The following CEP350 variants were observed in gnomAD, a reference collection of about 807,000 sequenced individuals.
The protein encoded by CEP350 is centrosome-associated protein 350.
CEP350 carries 126 observed loss-of-function variants against 331.8 expected under a neutral mutation model. That is an observed-to-expected ratio of 0.38 (90% CI 0.33 to 0.44). The LOEUF (loss-of-function observed/expected upper bound fraction) is 0.44, where lower values mean the gene tolerates loss of function less well. Among genes scored for constraint, CEP350 ranks in the 20% least tolerant of loss-of-function variants. The pLI is 1.00. For synonymous variants in CEP350, 1,200 were observed against 1,259.5 expected (o/e 0.95, Z 1.00); for missense variants, 3,406 against 3,634.6 (o/e 0.94, Z 1.62).
At chr1:180,067,658 C>CAGG (rs1459249448) in intron 27 of CEP350, among the ~76,000 whole-genome samples, 1 of 152,106 alleles carries the variant, frequency 6.6e-6, no homozygotes, top group Non-Finnish European at 1.5e-5. Context: ...CGCCATACTC[C>CAGG]AGCCTGGGCA....
Position 179,986,177 on chromosome 1 carries a change from G to T in CEP350, c.-5G>T. 1 of 1,550,442 alleles carries T rather than the reference G, an allele frequency of 6.4e-7. No homozygotes were observed. Among genetic ancestry groups the T allele is most frequent in the Non-Finnish European group, 8.7e-7 (1 of 1,146,268 alleles). ...TACTGATGTGATTGCAGGTAAATTGGCAGGATGAGGAGCAGCAAATCAAAA... is the reference window on the plus strand; with the variant it reads ...TACTGATGTGATTGCAGGTAAATTGTCAGGATGAGGAGCAGCAAATCAAAA... On this transcript the variant is annotated 5_prime_UTR_variant, in exon 2 of 38. Coordinates refer to ENST00000367607, the MANE Select transcript of CEP350 (RefSeq NM_014810.5).
In CEP350 at chr1:180,020,363, G is replaced by T; in HGVS notation, c.2589G>T (p.Val863=). The part of the protein sequence containing the change: ...YGSAWNTEYD[V]QQAPQEDGPW... ...CAGCATGGAACACTGAGTATGATGT[G>T]CAGCAGGCACCTCAAGAAGATGGAC... Residue 863 remains valine (V), a synonymous_variant, in exon 12 of 38, where the codon GTG becomes GTT. Transcript: ENST00000367607. The T allele has an allele frequency of 6.2e-7, 1 of 1,613,762 alleles. No homozygotes were observed. The highest frequency in any genetic ancestry group is 8.5e-7 in the Non-Finnish European group (1 of 1,179,902).
intron 2 of CEP350, among the ~76,000 whole-genome samples, chr1:179,986,761 A>G (rs557663180): frequency 6.6e-6 from 1 of 152,318 alleles, no homozygotes; most frequent in East Asian, 1.9e-4. Context: ...GAGAAGGATG[A>G]CTTATGGAAA....
At chr1:180,045,199 A>G (rs1195447482) in intron 21 of CEP350, among the ~76,000 whole-genome samples, 1 of 152,108 alleles carries the variant, frequency 6.6e-6, no homozygotes, top group Non-Finnish European at 1.5e-5. Flanking sequence ...AAAATTAGCC[A>G]TGCGTGGTGG....
chr1:180,055,478 A>G (rs911766064), intron 25 of CEP350, among the ~76,000 whole-genome samples: 2 of 151,334 alleles, frequency 1.3e-5, no homozygotes, highest in African/African-American at 2.4e-5. Context: ...TTGGCTTATT[A>G]CTTAGTTGTA....
intron 7 of CEP350, among the ~76,000 whole-genome samples, chr1:180,003,886 A>G (rs1183473090): frequency 6.6e-6 from 1 of 152,100 alleles, no homozygotes; most frequent in African/African-American, 2.4e-5. Flanking sequence ...TGGATAGAGT[A>G]ATTAAGAATT....
At chr1:180,078,739 GTTATA>G in intron 29 of CEP350, 65 bp downstream of exon 29, 1 of 1,349,714 alleles carries the variant, frequency 7.4e-7, no homozygotes. Flanking sequence ...TATGTTAGCA[GTTATA>G]TTATTGTAAT....
intron 1 of CEP350, among the ~76,000 whole-genome samples, chr1:179,965,615 C>CTT (rs747027286): frequency 0.02 from 1,717 of 84,306 alleles, 78 homozygotes; most frequent in East Asian, 0.043. Context: ...TTTTTCTTTT[C>CTT]TTTTTTTTTT....
intron 1 of CEP350, among the ~76,000 whole-genome samples, chr1:179,966,371 A>G (rs1429033848): frequency 1.3e-5 from 2 of 152,186 alleles, no homozygotes; most frequent in Admixed American, 1.3e-4. Flanking sequence ...TTGTGATTTT[A>G]AATTACCTTT....
chr1:180,034,547 A>C (rs1482006038), intron 16 of CEP350, among the ~76,000 whole-genome samples: 1 of 151,076 alleles, frequency 6.6e-6, no homozygotes, highest in African/African-American at 2.4e-5. Flanking sequence ...TTCCAGCAGC[A>C]TGTGCTCACT....
At chr1:180,016,129 C>A (rs1385201453) in intron 11 of CEP350, among the ~76,000 whole-genome samples, 159 bp downstream of exon 11, 2 of 152,214 alleles carry the variant, frequency 1.3e-5, no homozygotes, top group African/African-American at 4.8e-5. Flanking sequence ...TAGTGCACAT[C>A]TGTACTTACT....
intron 8 of CEP350, among the ~76,000 whole-genome samples, chr1:180,006,934 TG>T (rs2148772648): frequency 6.6e-6 from 1 of 152,350 alleles, no homozygotes; most frequent in Admixed American, 6.5e-5. Context: ...GCAAAGGACA[TG>T]AACTCATCCT....
intron 27 of CEP350, among the ~76,000 whole-genome samples, chr1:180,070,395 C>T (rs1040274487): frequency 6.6e-6 from 1 of 151,940 alleles, no homozygotes; most frequent in African/African-American, 2.4e-5. Flanking sequence ...AACAAAAGGT[C>T]TCATTTAACG....
chr1:180,109,123 CT>C (rs34359732), intron 37 of CEP350, among the ~76,000 whole-genome samples: 50 of 140,298 alleles, frequency 3.6e-4, no homozygotes, highest in Middle Eastern at 3.8e-3. Context: ...TTCACTTTCT[CT>C]TTTTTTTTTT....
At chr1:179,957,237 C>T (rs1650235322) in intron 1 of CEP350, among the ~76,000 whole-genome samples, 1 of 152,064 alleles carries the variant, frequency 6.6e-6, no homozygotes, top group South Asian at 2.1e-4. Context: ...AGTAACATAA[C>T]TGAAAAGTAG....
At position 180,008,781 on chromosome 1, in the gene CEP350, C is replaced by T. The variant is rs116356918; in HGVS notation, c.1246+2214C>T. ...TTACAATAAAGTATGATTAGTGCTG[C>T]GGTAAGAGGTCACAAGATGTTATGA... On this transcript the variant is annotated intron_variant, in intron 8 of 37. Coordinates refer to ENST00000367607, the MANE Select transcript of CEP350 (RefSeq NM_014810.5). Among the ~76,000 whole-genome samples the T allele has an allele frequency of 9.1e-4, 139 of 152,138 alleles. 2 individuals carry two copies. Among genetic ancestry groups the T allele is most frequent in the African/African-American group, 2.6e-3 (110 of 41,510 alleles).
rs1553255696 is a variant in CEP350 at position 180,018,853 on chromosome 1, C to CTTCCTT, written c.2175-1094_2175-1093insCCTTTT. Among the ~76,000 whole-genome samples, 11 of 83,764 alleles carry CTTCCTT rather than the reference C, an allele frequency of 1.3e-4. 3 individuals are homozygous for CTTCCTT. The highest frequency in any genetic ancestry group is 1.8e-4 in the Non-Finnish European group (6 of 32,452). 55.0% of individuals were successfully genotyped at this position (83,764 alleles called of 152,430 possible). A position where few individuals can be genotyped will look rare whatever the true frequency, so the allele number is the denominator to read the frequency against. On this transcript the variant is annotated intron_variant, in intron 11 of 37. Transcript: ENST00000367607. The stretch of plus-strand genomic sequence containing the variant: ...AAAGCCTCATGTTCGTCTTCTCTTT[C>CTTCCTT]TTTCTTTTTTTTTTTTTTTTTCTGA...
chr1:180,008,439 C>T (rs1022654925), intron 8 of CEP350, among the ~76,000 whole-genome samples: 2 of 99,250 alleles, frequency 2.0e-5, no homozygotes, highest in African/African-American at 5.6e-5. Context: ...ATGATAAAGA[C>T]TCAACTGTTA....
At chr1:180,106,516 A>G (rs974025349) in intron 37 of CEP350, among the ~76,000 whole-genome samples, 2 of 152,130 alleles carry the variant, frequency 1.3e-5, no homozygotes, top group African/African-American at 2.4e-5. Context: ...TAGCTCTGTC[A>G]GTGTCCCTCT....
Sources: allele counts gnomAD v4.1 joint callset (sites outside exome capture counted in the v4.1 genomes callset), GRCh38; gene constraint gnomAD v4.1.1; transcripts MANE v1.5; gene names NCBI Gene and HGNC (gene_info 2026-07-23, HGNC 2026-07-21).